LIMCH1: variants seen among roughly 807,000 people sequenced by gnomAD.
LIMCH1 encodes the protein LIM and calponin homology domains 1, also known as LIM and calponin homology domains-containing protein 1.
Under a neutral mutation model 176.5 loss-of-function variants are expected in LIMCH1, and 113 were observed. That is an observed-to-expected ratio of 0.64 (90% CI 0.55 to 0.75). LIMCH1 has a LOEUF of 0.75. Ranked by LOEUF, LIMCH1 falls within the 30% of genes least tolerant of loss-of-function variation. The pLI, the probability that LIMCH1 is intolerant of heterozygous loss-of-function variation, is 0.00. For missense variants in LIMCH1, 1,674 were observed against 1,814.9 expected, an observed-to-expected ratio of 0.92 and a Z score of 1.41; for synonymous variants, 619 against 645.9, an observed-to-expected ratio of 0.96 and a Z score of 0.63.
intron 7 of LIMCH1, 151 bp from the exon 8 acceptor site, chr4:41,626,557 C>A: frequency 1.5e-6 from 1 of 681,240 alleles, no homozygotes; most frequent in South Asian, 2.0e-5. Context: ...AACTATGCTG[C>A]AATTCTAGAC....
At chr4:41,633,953 G>A (rs923756928) in intron 13 of LIMCH1, 145 bp downstream of exon 13, 7 of 888,290 alleles carry the variant, frequency 7.9e-6, no homozygotes, top group African/African-American at 1.7e-5. Flanking sequence ...CATCTGCGAA[G>A]AAATTTTTCC....
intron 1 of LIMCH1, among the ~76,000 whole-genome samples, chr4:41,393,967 C>T (rs1488770347): frequency 4.6e-5 from 7 of 152,078 alleles, no homozygotes; most frequent in Non-Finnish European, 1.5e-5. Context: ...AAAATAACAA[C>T]GGTTTGGGAA....
chr4:41,596,920 C>T (rs2088950164), intron 1 of LIMCH1, among the ~76,000 whole-genome samples: 1 of 152,104 alleles, frequency 6.6e-6, no homozygotes, highest in South Asian at 2.1e-4. Flanking sequence ...TGGGATGAAG[C>T]CACCCTCACT....
chr4:41,612,107 G>A lies in LIMCH1; in HGVS notation c.10-1359G>A, dbSNP rs78175186. 4.3e-3 allele frequency among the ~76,000 whole-genome samples: 654 copies of A among 152,214 alleles called. 3 individuals are homozygous for A. Among genetic ancestry groups the A allele is most frequent in the Non-Finnish European group, 6.8e-3 (465 of 68,008 alleles). On this transcript the variant is annotated intron_variant, in intron 4 of 31. Coordinates refer to ENST00000503057, the MANE Select transcript of LIMCH1 (RefSeq NM_001330672.2). ...TGGAGGCTGCAGGGTGCTCCTCTCC[G>A]TCCTGCCCTTGTCCTCTTGCCCACT... is the stretch of plus-strand genomic sequence containing the variant.
chr4:41,697,001 C>G (rs1174617545), intron 31 of LIMCH1, among the ~76,000 whole-genome samples, 159 bp from the exon 32 acceptor site: 1 of 152,156 alleles, frequency 6.6e-6, no homozygotes, highest in East Asian at 1.9e-4. Flanking sequence ...TACTACTTGT[C>G]CTGGGGCCAC....
chr4:41,531,553 C>T (rs1389115766), intron 3 of LIMCH1, among the ~76,000 whole-genome samples: 2 of 151,072 alleles, frequency 1.3e-5, no homozygotes, highest in East Asian at 3.9e-4. Flanking sequence ...CCAAACCTCT[C>T]TATGCCCAGT....
At chr4:41,433,958 G>A (rs1251562041) in intron 1 of LIMCH1, among the ~76,000 whole-genome samples, 1 of 152,200 alleles carries the variant, frequency 6.6e-6, no homozygotes, top group Non-Finnish European at 1.5e-5. Flanking sequence ...CAAGGGCGGA[G>A]GAGAGTTTTG....
At chr4:41,562,490 A>G (rs1452243924) in intron 1 of LIMCH1, among the ~76,000 whole-genome samples, 1 of 152,204 alleles carries the variant, frequency 6.6e-6, no homozygotes, top group Admixed American at 6.5e-5. Context: ...TGCTGAGACA[A>G]AAAGGAAATT....
chr4:41,505,297 T>C (rs1172765113), intron 2 of LIMCH1, among the ~76,000 whole-genome samples: 1 of 152,158 alleles, frequency 6.6e-6, no homozygotes, highest in Non-Finnish European at 1.5e-5. Context: ...AAGTCAATTA[T>C]GAATATGACA....
intron 1 of LIMCH1, among the ~76,000 whole-genome samples, chr4:41,378,447 T>G (rs1411275081): frequency 1.3e-5 from 2 of 152,258 alleles, no homozygotes; most frequent in African/African-American, 2.4e-5. Flanking sequence ...ATTAATATAC[T>G]CAGTGCTTGA....
intron 1 of LIMCH1, among the ~76,000 whole-genome samples, chr4:41,493,021 T>G (rs1005773967): frequency 6.6e-6 from 1 of 152,236 alleles, no homozygotes; most frequent in African/African-American, 2.4e-5. Flanking sequence ...TTCTTTTGAT[T>G]AGTGTTATCA....
At chr4:41,622,391 T>A (rs2152830738) in intron 7 of LIMCH1, among the ~76,000 whole-genome samples, 1 of 152,310 alleles carries the variant, frequency 6.6e-6, no homozygotes, top group Admixed American at 6.5e-5. Flanking sequence ...GAATATGAAC[T>A]TACCTGAAAT....
intron 28 of LIMCH1, among the ~76,000 whole-genome samples, chr4:41,686,158 T>G (rs1437677603): frequency 6.6e-6 from 1 of 152,226 alleles, no homozygotes; most frequent in Non-Finnish European, 1.5e-5. Context: ...GGACAAAGTT[T>G]CGTTCAAGGA....
intron 6 of LIMCH1, chr4:41,619,889 CAT>C (rs2152821154): frequency 5.0e-6 from 1 of 198,268 alleles, no homozygotes; most frequent in African/African-American, 2.3e-5. Flanking sequence ...TTCACAATAA[CAT>C]ATAGAAATAG....
At chr4:41,481,311 G>A (rs2068579190) in intron 1 of LIMCH1, among the ~76,000 whole-genome samples, 2 of 152,182 alleles carry the variant, frequency 1.3e-5, no homozygotes. Context: ...GAAGAGTTGG[G>A]CTTCAGAATG....
chr4:41,486,397 A>T (rs2069541040), intron 1 of LIMCH1, among the ~76,000 whole-genome samples: 1 of 152,140 alleles, frequency 6.6e-6, no homozygotes, highest in Non-Finnish European at 1.5e-5. Flanking sequence ...CTTTTTATGT[A>T]CCCTGCAAAT....
In LIMCH1 at chr4:41,444,311, TATAC is replaced by T. The variant is rs1371630659; in HGVS notation, c.97-50223_97-50220del. 9.3e-3 allele frequency among the ~76,000 whole-genome samples: 665 copies of T among 71,180 alleles called. 2 individuals are homozygous for T. The highest frequency in any genetic ancestry group is 0.034 in the African/African-American group (330 of 9,664). The allele number at this position is 71,180 out of a possible 152,430, so 46.7% of individuals were successfully genotyped here. Reference sequence around the variant, plus strand: ...ATGTGTGTGAGTGTGTGTGTATATATATACACACACACACACACACACACACACA... The same window carrying T: ...ATGTGTGTGAGTGTGTGTGTATATATACACACACACACACACACACACACA... On this transcript the variant is annotated intron_variant, in intron 1 of 26. Transcript: ENST00000313860.
At chr4:41,651,718 A>G (rs2094305259) in intron 18 of LIMCH1, among the ~76,000 whole-genome samples, 1 of 152,198 alleles carries the variant, frequency 6.6e-6, no homozygotes, top group Admixed American at 6.5e-5. Flanking sequence ...TTATTAGTTA[A>G]AGAAACAAAA....
intron 1 of LIMCH1, among the ~76,000 whole-genome samples, chr4:41,474,965 G>C (rs1186126363): frequency 6.6e-6 from 1 of 151,918 alleles, no homozygotes; most frequent in African/African-American, 2.4e-5. Context: ...ATACACAAAG[G>C]AGTATTATTC....
Sources: gnomAD v4.1 joint callset for allele counts (sites outside exome capture counted in the v4.1 genomes callset) on GRCh38, gnomAD v4.1.1 for gene constraint, MANE v1.5 for transcripts, NCBI Gene and HGNC (gene_info 2026-07-23, HGNC 2026-07-21) for gene names.